Variants in CHRM3 observed in about 807,000 individuals in gnomAD.
CHRM3 encodes the protein cholinergic receptor muscarinic 3, also known as muscarinic acetylcholine receptor M3.
Under a neutral mutation model 41.8 loss-of-function variants are expected in CHRM3, and 11 were observed. The observed-to-expected ratio is 0.26, with a 90% CI of 0.17 to 0.44. CHRM3 has a LOEUF of 0.44. CHRM3 is among the 20% of genes least tolerant of loss of function. The pLI is 1.00. For synonymous variants in CHRM3, 297 were observed against 301.4 expected, an observed-to-expected ratio of 0.99 and a Z score of 0.15; for missense variants, 571 against 745.4, an observed-to-expected ratio of 0.77 and a Z score of 2.72.
intron 3 of CHRM3, among the ~76,000 whole-genome samples, chr1:239,584,130 A>G (rs1404350268): frequency 2.3e-4 from 21 of 90,168 alleles, no homozygotes; most frequent in Non-Finnish European, 3.4e-4. Flanking sequence ...TTTTTTTTTG[A>G]CAAAGTCTTC....
intron 1 of CHRM3, among the ~76,000 whole-genome samples, chr1:239,403,022 G>A (rs945080192): frequency 6.6e-6 from 1 of 152,098 alleles, no homozygotes; most frequent in Non-Finnish European, 1.5e-5. Context: ...GATACAGAGG[G>A]CTGACTGTAC....
intron 4 of CHRM3, among the ~76,000 whole-genome samples, chr1:239,674,158 C>A (rs1022929038): frequency 6.6e-6 from 1 of 152,068 alleles, no homozygotes; most frequent in African/African-American, 2.4e-5. Flanking sequence ...CTAGGAACGC[C>A]ATTTTTTTGA....
chr1:239,492,466 C>T (rs946140571), intron 1 of CHRM3, among the ~76,000 whole-genome samples: 3 of 152,192 alleles, frequency 2.0e-5, no homozygotes, highest in Non-Finnish European at 4.4e-5. Flanking sequence ...CTAAATAGGA[C>T]TTACCCACTC....
At chr1:239,389,037 G>A (rs1419626256) in intron 1 of CHRM3, among the ~76,000 whole-genome samples, 1 of 152,194 alleles carries the variant, frequency 6.6e-6, no homozygotes, top group Non-Finnish European at 1.5e-5. Flanking sequence ...GAGATCGAAT[G>A]TAGCACGAAA....
At chr1:239,637,453 T>TACA (rs1248453913) in intron 4 of CHRM3, among the ~76,000 whole-genome samples, 6 of 151,000 alleles carry the variant, frequency 4.0e-5, no homozygotes, top group Non-Finnish European at 8.9e-5. Flanking sequence ...AATTCCTTGA[T>TACA]CAAATGGTAC....
intron 1 of CHRM3, among the ~76,000 whole-genome samples, chr1:239,405,967 C>G (rs1660560866): frequency 6.6e-6 from 1 of 152,158 alleles, no homozygotes; most frequent in South Asian, 2.1e-4. Context: ...ACTGCAATCA[C>G]TGCAACCTCC....
intron 2 of CHRM3, among the ~76,000 whole-genome samples, chr1:239,494,116 G>A (rs1306902594): frequency 6.6e-6 from 1 of 152,118 alleles, no homozygotes; most frequent in Non-Finnish European, 1.5e-5. Flanking sequence ...ATTGAGGGAT[G>A]CATTATTTAG....
chr1:239,580,738 CAT>C (rs111982832), intron 3 of CHRM3, among the ~76,000 whole-genome samples: 30 of 134,270 alleles, frequency 2.2e-4, no homozygotes, highest in African/African-American at 7.5e-4. Flanking sequence ...CACACAAGTG[CAT>C]ATATATATAC....
intron 4 of CHRM3, among the ~76,000 whole-genome samples, chr1:239,639,109 T>G (rs550086722): frequency 1.1e-3 from 174 of 151,410 alleles, no homozygotes; most frequent in South Asian, 2.7e-3. Context: ...CTCTGTTCTG[T>G]TCCATTGATC....
chr1:239,908,593 C>T lies in CHRM3; in HGVS notation c.1142C>T (p.Thr381Ile). ...LPGHSTILNS[T>I]KLPSSDNLQV... ...GGTCACAGCACCATCCTCAACTCCA[C>T]CAAGTTACCCTCATCGGACAACCTG... Residue 381 changes from threonine (T) to isoleucine (I), a missense_variant, in exon 7 of 7, where the codon ACC (threonine) becomes ATC (isoleucine). Physicochemically the swap from Thr to Ile is moderately conservative, Grantham distance 89. Coordinates refer to ENST00000676153, the MANE Select transcript of CHRM3 (RefSeq NM_001375978.1). This position sits in a 1 kb window ranked among gnomAD's most constrained non-coding sequence, Gnocchi z 7.2. 1.2e-6 allele frequency: 2 copies of T among 1,600,468 alleles called. No individual in the cohort carries two copies. Among genetic ancestry groups the T allele is most frequent in the Non-Finnish European group, 1.7e-6 (2 of 1,173,396 alleles).
intron 6 of CHRM3, among the ~76,000 whole-genome samples, chr1:239,859,831 A>ATG (rs1377645989): frequency 2.3e-5 from 1 of 42,782 alleles, no homozygotes; most frequent in Non-Finnish European, 8.4e-5. Context: ...ATATATATAT[A>ATG]TATATATATA....
At chr1:239,404,705 TC>T (rs1660429721) in intron 1 of CHRM3, among the ~76,000 whole-genome samples, 1 of 117,970 alleles carries the variant, frequency 8.5e-6, no homozygotes, top group South Asian at 2.8e-4. Context: ...ATTAAATGTA[TC>T]ATGCTATATC....
intron 2 of CHRM3, among the ~76,000 whole-genome samples, chr1:239,511,649 G>T (rs1668930191): frequency 6.6e-6 from 1 of 152,156 alleles, no homozygotes; most frequent in Non-Finnish European, 1.5e-5. Flanking sequence ...TATATAAAGA[G>T]AAAGGTTTGG....
At chr1:239,531,029 A>G (rs1262960561) in intron 2 of CHRM3, among the ~76,000 whole-genome samples, 1 of 152,174 alleles carries the variant, frequency 6.6e-6, no homozygotes, top group Non-Finnish European at 1.5e-5. Flanking sequence ...CAAACACATC[A>G]TGATCAAACT....
rs537715084 is a variant in CHRM3, at chr1:239,754,498, C to T, written c.-146-72754C>T. On this transcript the variant is annotated intron_variant, in intron 5 of 6. Transcript: ENST00000676153. ...TTTTGGTTCTCCCAATGACTGGGGA[C>T]ACTGGGCAGAGGCCAAGATTCCTGG... Among the ~76,000 whole-genome samples, 4 of 152,306 alleles carry T rather than the reference C, an allele frequency of 2.6e-5. No individual in the cohort carries two copies. The East Asian group carries it at 7.7e-4, about 29-fold the overall frequency.
chr1:239,685,678 T>C (rs7551919), intron 5 of CHRM3, among the ~76,000 whole-genome samples: 97,591 of 151,818 alleles, frequency 0.64, 32,211 homozygotes, highest in African/African-American at 0.79. Flanking sequence ...CAAAATTAGC[T>C]GGGTATGGTG....
intron 2 of CHRM3, among the ~76,000 whole-genome samples, chr1:239,514,825 G>C (rs1191168401): frequency 6.6e-6 from 1 of 151,956 alleles, no homozygotes; most frequent in Non-Finnish European, 1.5e-5. Flanking sequence ...CTGACTCCTG[G>C]CTGCCGAACT....
intron 5 of CHRM3, among the ~76,000 whole-genome samples, chr1:239,753,232 CTA>C (rs1478775333): frequency 2.6e-5 from 4 of 152,122 alleles, no homozygotes; most frequent in African/African-American, 9.7e-5. Context: ...AGAATTATGT[CTA>C]TGTTGTTCAG....
intron 4 of CHRM3, among the ~76,000 whole-genome samples, chr1:239,661,724 C>T (rs1035940722): frequency 2.0e-5 from 3 of 152,106 alleles, no homozygotes; most frequent in African/African-American, 4.8e-5. Context: ...TTGTATAATA[C>T]TATAATGGTG....
Sources: gnomAD v4.1 joint callset for allele counts (sites outside exome capture counted in the v4.1 genomes callset) on GRCh38, gnomAD v4.1.1 for gene constraint, Gnocchi (gnomAD v3.1) non-coding constraint, MANE v1.5 for transcripts, NCBI Gene and HGNC (gene_info 2026-07-23, HGNC 2026-07-21) for gene names.